The following PCDHB3 variants were observed in gnomAD, a reference collection of about 807,000 sequenced individuals.
PCDHB3 encodes protocadherin beta-3.
For missense variants in PCDHB3, 967 were observed against 1,012.1 expected (o/e 0.96, Z 0.60); for synonymous variants, 479 against 456.0 (o/e 1.05, Z -0.64).
chr5:141,101,741 A>G lies in PCDHB3; in HGVS notation c.1092A>G (p.Val364=). The G allele has an allele frequency of 6.2e-7, 1 of 1,614,108 alleles. No homozygotes were observed. The highest frequency in any genetic ancestry group is 8.5e-7 in the Non-Finnish European group (1 of 1,180,014). ...TTCCTGAGAACTCGGGAGAGACTGT[A>G]CTGGCTGTTTTCAGTGTTTCTGATC... The part of the protein sequence containing the change: ...SPIPENSGET[V]LAVFSVSDLD... The change falls in exon 1 of 1, where the codon GTA becomes GTG. Residue 364 remains valine, a synonymous_variant. Transcript: ENST00000231130.
Position 141,101,299 on chromosome 5 carries a change from G to A in PCDHB3, c.650G>A (p.Gly217Asp), listed in dbSNP as rs782303159. 3.3e-5 allele frequency: 53 copies of A among 1,614,058 alleles called. No homozygotes were observed. The South Asian group carries it at 5.2e-4, about 16-fold the overall frequency. Residue 217 changes from glycine (G) to aspartate (D), a missense_variant, in exon 1 of 1, where the codon GGC (glycine) becomes GAC (aspartate). By Grantham distance (94) the Gly-to-Asp change is moderately conservative (BLOSUM62 -1). Coordinates refer to ENST00000231130, the MANE Select transcript of PCDHB3 (RefSeq NM_018937.5). ...AGCTTAACGCTCACCGCGCTGGACGGCGGCTCTCCCCCTCGGTCTGGGACA... is the reference window on the plus strand; with the variant it reads ...AGCTTAACGCTCACCGCGCTGGACGACGGCTCTCCCCCTCGGTCTGGGACA... Reference protein sequence around the residue: ...ELSLTLTALDGGSPPRSGTAQ... With the variant: ...ELSLTLTALDDGSPPRSGTAQ...
Position 141,103,057 on chromosome 5 carries a change from A to G in PCDHB3, c.*17A>G, listed in dbSNP as rs1194805411. The G allele has an allele frequency of 3.8e-6, 6 of 1,589,394 alleles. No individual in the cohort carries two copies. In the Admixed American group the frequency reaches 8.7e-5, roughly 23 times the overall value. ...TTCAGTTAAGTGTTAATAAGGATCT[A>G]CTGAGCCTCGTCTTAGTTAATCTGT... On this transcript the variant is annotated 3_prime_UTR_variant, in exon 1 of 1. Transcript: ENST00000231130.
Position 141,101,168 on chromosome 5 carries a change from T to C in PCDHB3, c.519T>C (p.Thr173=), listed in dbSNP as rs782484013. ...ACAGCCTCCAAAACTACACTATCAC[T>C]CCGAATTCCCACTTCCACGTACTCA... is the stretch of plus-strand genomic sequence containing the variant. ...GRNSLQNYTI[T]PNSHFHVLTR... The change falls in exon 1 of 1, where the codon ACT becomes ACC. Residue 173 remains threonine (T), a synonymous_variant. Coordinates refer to ENST00000231130, the MANE Select transcript of PCDHB3 (RefSeq NM_018937.5). The C allele has an allele frequency of 1.9e-6, 3 of 1,614,020 alleles. No individual in the cohort carries two copies. The highest frequency in any genetic ancestry group is 2.5e-6 in the Non-Finnish European group (3 of 1,180,010).
Position 141,101,800 on chromosome 5 carries a change from C to G in PCDHB3, c.1151C>G (p.Ser384Cys), listed in dbSNP as rs1231186615. 1 of 1,614,024 alleles carries G rather than the reference C, an allele frequency of 6.2e-7. No homozygotes were observed. The highest frequency in any genetic ancestry group is 8.5e-7 in the Non-Finnish European group (1 of 1,180,014). Reference sequence around the variant, plus strand: ...GGAGACAACGGAAGAGTGATGTGTTCCATTGAGAACAATCTCCCCTTCTTC... The same window carrying G: ...GGAGACAACGGAAGAGTGATGTGTTGCATTGAGAACAATCTCCCCTTCTTC... ...DSGDNGRVMC[S>C]IENNLPFFLK... Residue 384 changes from serine (S) to cysteine (C), a missense_variant, in exon 1 of 1, where the codon TCC becomes TGC. Ser to Cys is a moderately radical substitution (Grantham distance 112). Transcript: ENST00000231130.
chr5:141,101,439 G>A lies in PCDHB3; in HGVS notation c.790G>A (p.Val264Ile). Reference sequence around the variant, plus strand: ...CCCCGTTAACTCTGTCATTGTCACTGTCTCGGCTTCTGACTTAGATACAGG... The same window carrying A: ...CCCCGTTAACTCTGTCATTGTCACTATCTCGGCTTCTGACTTAGATACAGG... ...NTPVNSVIVT[V>I]SASDLDTGSF... The change falls in exon 1 of 1, where the codon GTC becomes ATC. Residue 264 changes from valine (V) to isoleucine (I), a missense_variant. Physicochemically the swap from Val to Ile is conservative, Grantham distance 29 (BLOSUM62 3). Coordinates refer to ENST00000231130, the MANE Select transcript of PCDHB3 (RefSeq NM_018937.5). 1 of 1,614,182 alleles carries A rather than the reference G, an allele frequency of 6.2e-7. No homozygotes were observed. Among genetic ancestry groups the A allele is most frequent in the Non-Finnish European group, 8.5e-7 (1 of 1,180,034 alleles).
In PCDHB3 at chr5:141,103,697, A is replaced by G. The variant is rs1016118791; in HGVS notation, c.*657A>G. ...GTTGACATTTGCAATTAATATTTCA[A>G]TATTTTATGTGCTTATATTGGCCAA... On this transcript the variant is annotated 3_prime_UTR_variant, in exon 1 of 1. Transcript: ENST00000231130. 6.6e-6 allele frequency: 1 copy of G among 152,198 alleles called. No individual in the cohort carries two copies. Among genetic ancestry groups the G allele is most frequent in the South Asian group, 2.1e-4 (1 of 4,830 alleles). 9.4% of individuals were successfully genotyped at this position (152,198 alleles called of 1,614,324 possible).
Position 141,101,255 on chromosome 5 carries a change from G to A in PCDHB3, c.606G>A (p.Pro202=). The A allele has an allele frequency of 6.2e-7, 1 of 1,614,182 alleles. No individual in the cohort carries two copies. The highest frequency in any genetic ancestry group is 8.5e-7 in the Non-Finnish European group (1 of 1,180,046). ...PELVLDKALD[P]EEQPELSLTL... is the part of the protein sequence containing the mutation. ...TAGTACTGGATAAAGCGCTCGATCC[G>A]GAGGAGCAGCCGGAACTCAGCTTAA... Residue 202 remains proline (P), a synonymous_variant, in exon 1 of 1, where the codon CCG becomes CCA. Coordinates refer to ENST00000231130, the MANE Select transcript of PCDHB3 (RefSeq NM_018937.5).
rs942135651 is a variant in PCDHB3 at position 141,101,309 on chromosome 5, C to G, written c.660C>G (p.Pro220=). ...LTLTALDGGS[P]PRSGTAQINI... ...TCACCGCGCTGGACGGCGGCTCTCC[C>G]CCTCGGTCTGGGACAGCCCAGATAA... The change falls in exon 1 of 1, where the codon CCC becomes CCG. Residue 220 remains proline, a synonymous_variant. Transcript: ENST00000231130. The G allele has an allele frequency of 6.2e-7, 1 of 1,613,892 alleles. No individual in the cohort carries two copies. Among genetic ancestry groups the G allele is most frequent in the Non-Finnish European group, 8.5e-7 (1 of 1,180,010 alleles).
chr5:141,100,632 A>AC lies in PCDHB3; in HGVS notation c.-18_-17insC. ...TCAGCTTGGCGACATTCCCTGGAAG[A>AC]GCGTGACGGAAAGTGCAATGGAGGC... On this transcript the variant is annotated 5_prime_UTR_variant, in exon 1 of 1. Transcript: ENST00000231130. The AC allele has an allele frequency of 6.5e-7, 1 of 1,543,660 alleles. No homozygotes were observed. Among genetic ancestry groups the AC allele is most frequent in the Non-Finnish European group, 8.8e-7 (1 of 1,134,234 alleles).
Position 141,101,434 on chromosome 5 carries a change from T to C in PCDHB3, c.785T>C (p.Val262Ala). The change falls in exon 1 of 1, where the codon GTC becomes GCC. Residue 262 changes from valine to alanine, a missense_variant. Val to Ala is a moderately conservative substitution (Grantham distance 64). Coordinates refer to ENST00000231130, the MANE Select transcript of PCDHB3 (RefSeq NM_018937.5). ...AATACCCCCGTTAACTCTGTCATTG[T>C]CACTGTCTCGGCTTCTGACTTAGAT... ...LENTPVNSVI[V>A]TVSASDLDTG... is the part of the protein sequence containing the mutation. 1 of 1,614,240 alleles carries C rather than the reference T, an allele frequency of 6.2e-7. No individual in the cohort carries two copies. Among genetic ancestry groups the C allele is most frequent in the East Asian group, 2.2e-5 (1 of 44,892 alleles).
Position 141,100,556 on chromosome 5 carries a change from C to T in PCDHB3, c.-94C>T, listed in dbSNP as rs1554272032. On this transcript the variant is annotated 5_prime_UTR_variant, in exon 1 of 1. Transcript: ENST00000231130. ...CTCTGGAAAGGCTTATTCACTAGGC[C>T]GTCTACAAAGGTTGTGGGGCAAAAG... is the stretch of plus-strand genomic sequence containing the variant. 2 of 933,680 alleles carry T rather than the reference C, an allele frequency of 2.1e-6. No homozygotes were observed. Among genetic ancestry groups the T allele is most frequent in the East Asian group, 2.5e-5 (1 of 40,410 alleles). The allele number at this position is 933,680 out of a possible 1,614,324, so 57.8% of individuals were successfully genotyped here. A position where few individuals can be genotyped will look rare whatever the true frequency, so the allele number is the denominator to read the frequency against.
rs1194789403 is a variant in PCDHB3 at position 141,102,259 on chromosome 5, G to A, written c.1610G>A (p.Gly537Asp). The change falls in exon 1 of 1, where the codon GGC becomes GAC. Residue 537 changes from glycine (G) to aspartate (D), a missense_variant. By Grantham distance (94) the Gly-to-Asp change is moderately conservative. Coordinates refer to ENST00000231130, the MANE Select transcript of PCDHB3 (RefSeq NM_018937.5). ...TTCCGCGTGGGCGCCACAGACCGTGGCTCCCCGGCTTTGAGCAGCGAGGCG... is the reference window on the plus strand; with the variant it reads ...TTCCGCGTGGGCGCCACAGACCGTGACTCCCCGGCTTTGAGCAGCGAGGCG... ...FEFRVGATDR[G>D]SPALSSEALV... is the part of the protein sequence containing the mutation. The A allele has an allele frequency of 1.2e-6, 2 of 1,612,144 alleles. No homozygotes were observed. Among genetic ancestry groups the A allele is most frequent in the Non-Finnish European group, 8.5e-7 (1 of 1,179,828 alleles).
At position 141,101,521 on chromosome 5, in the gene PCDHB3, C is replaced by G. The variant is rs782668765; in HGVS notation, c.872C>G (p.Thr291Ser). The G allele has an allele frequency of 4.4e-5, 71 of 1,613,972 alleles. No individual in the cohort carries two copies. Among genetic ancestry groups the G allele is most frequent in the East Asian group, 2.0e-4 (9 of 44,896 alleles). ...FFHASEEIRKTFQLNPITGDM... is the reference protein window; with the variant it reads ...FFHASEEIRKSFQLNPITGDM... ...CATGCTTCTGAAGAAATTCGCAAAA[C>G]TTTTCAGCTAAATCCAATTACTGGT... Residue 291 changes from threonine to serine, a missense_variant, in exon 1 of 1, where the codon ACT becomes AGT. By Grantham distance (58) the Thr-to-Ser change is moderately conservative. Transcript: ENST00000231130.
chr5:141,101,045 ATTC>A lies in PCDHB3; in HGVS notation c.399_401del (p.Phe134del). ...TAGATGTAAATGACCATTCTCCGGT[ATTC>A]TTTGAAAATGAAATGCATCTGAAAA... On this transcript the variant is annotated inframe_deletion, in exon 1 of 1. Transcript: ENST00000231130. 1 of 1,614,202 alleles carries A rather than the reference ATTC, an allele frequency of 6.2e-7. No homozygotes were observed. The highest frequency in any genetic ancestry group is 1.1e-5 in the South Asian group (1 of 91,084).
rs782532951 is a variant in PCDHB3, at chr5:141,103,002, G to A, written c.2353G>A (p.Ala785Thr). 1.2e-6 allele frequency: 2 copies of A among 1,604,146 alleles called. No individual in the cohort carries two copies. Among genetic ancestry groups the A allele is most frequent in the Non-Finnish European group, 1.7e-6 (2 of 1,175,108 alleles). The change falls in exon 1 of 1, where the codon GCA becomes ACA. Residue 785 changes from alanine to threonine, a missense_variant. Transcript: ENST00000231130. ...VAQGAERVSE[A>T]NPSFRKSFEF... ...TCAGGGTGCAGAGAGGGTTAGCGAGGCAAATCCCAGTTTCAGGAAGAGCTT... is the reference window on the plus strand; with the variant it reads ...TCAGGGTGCAGAGAGGGTTAGCGAGACAAATCCCAGTTTCAGGAAGAGCTT...
Position 141,102,813 on chromosome 5 carries a change from G to A in PCDHB3, c.2164G>A (p.Val722Met). Residue 722 changes from valine (V) to methionine (M), a missense_variant, in exon 1 of 1, where the codon GTG (valine) becomes ATG (methionine). Val to Met is a conservative substitution (Grantham distance 21, BLOSUM62 1). Transcript: ENST00000231130. The stretch of plus-strand genomic sequence containing the variant: ...GTGCAGGAGGAGCAGGGCGGCCTCG[G>A]TGGGTCGCTGCTCGGTGCCCGAGGG... The part of the protein sequence containing the change: ...RLCRRSRAAS[V>M]GRCSVPEGPF... 16 of 1,612,472 alleles carry A rather than the reference G, an allele frequency of 9.9e-6. No individual in the cohort carries two copies. The highest frequency in any genetic ancestry group is 2.0e-4 in the Middle Eastern group (1 of 5,056).
At position 141,101,019 on chromosome 5, in the gene PCDHB3, A is replaced by ATAG; in HGVS notation, c.371_373dup (p.Ile124_Asp125insVal). 6.2e-7 allele frequency: 1 copy of ATAG among 1,614,244 alleles called. No individual in the cohort carries two copies. Among genetic ancestry groups the ATAG allele is most frequent in the Non-Finnish European group, 8.5e-7 (1 of 1,180,042 alleles). ...ATTCGTTACAAACGAGCTCCGTATC[A>ATAG]TAGATGTAAATGACCATTCTCCGGT... On this transcript the variant is annotated inframe_insertion, in exon 1 of 1. Coordinates refer to ENST00000231130, the MANE Select transcript of PCDHB3 (RefSeq NM_018937.5).
At position 141,101,013 on chromosome 5, in the gene PCDHB3, C is replaced by T; in HGVS notation, c.364C>T (p.Arg122Cys). 1 of 1,614,120 alleles carries T rather than the reference C, an allele frequency of 6.2e-7. No homozygotes were observed. Among genetic ancestry groups the T allele is most frequent in the Non-Finnish European group, 8.5e-7 (1 of 1,180,018 alleles). ...NPLQFVTNEL[R>C]IIDVNDHSPV... ...TTTGCAATTCGTTACAAACGAGCTC[C>T]GTATCATAGATGTAAATGACCATTC... Residue 122 changes from arginine (R) to cysteine (C), a missense_variant, in exon 1 of 1, where the codon CGT becomes TGT. Transcript: ENST00000231130.
In PCDHB3 at chr5:141,103,705, T is replaced by G. The variant is rs1255943473; in HGVS notation, c.*665T>G. 6.6e-6 allele frequency: 1 copy of G among 152,240 alleles called. No homozygotes were observed. The highest frequency in any genetic ancestry group is 1.5e-5 in the Non-Finnish European group (1 of 68,034). 9.4% of individuals were successfully genotyped at this position (152,240 alleles called of 1,614,324 possible). A position where few individuals can be genotyped will look rare whatever the true frequency, so the allele number is the denominator to read the frequency against. On this transcript the variant is annotated 3_prime_UTR_variant, in exon 1 of 1. Transcript: ENST00000231130. Reference sequence around the variant, plus strand: ...TTGCAATTAATATTTCAATATTTTATGTGCTTATATTGGCCAAAATATGGA... The same window carrying G: ...TTGCAATTAATATTTCAATATTTTAGGTGCTTATATTGGCCAAAATATGGA...
Sources: allele counts gnomAD v4.1 joint callset, GRCh38; gene constraint gnomAD v4.1.1; transcripts MANE v1.5; gene names NCBI Gene and HGNC (gene_info 2026-07-23, HGNC 2026-07-21).